Variants in STK3 observed in about 807,000 individuals in gnomAD.
The protein encoded by STK3 is serine/threonine-protein kinase 3.
STK3 carries 41 observed loss-of-function variants against 58.0 expected under a neutral mutation model. That is an observed-to-expected ratio of 0.71 (90% confidence interval 0.55 to 0.92). STK3 has a LOEUF of 0.92. STK3 is among the 40% of genes least tolerant of loss of function. The pLI is 0.00. For missense variants in STK3, 479 were observed against 602.7 expected (o/e 0.79, Z 2.15); for synonymous variants, 170 against 191.0 (o/e 0.89, Z 0.91).
chr8:98,744,940 T>C (rs913437025), intron 4 of STK3, among the ~76,000 whole-genome samples: 2 of 151,450 alleles, frequency 1.3e-5, no homozygotes, highest in Non-Finnish European at 2.9e-5. Context: ...TCTCCTATCA[T>C]ATACAGAAAT....
At chr8:98,788,514 T>C (rs973619535) in intron 1 of STK3, among the ~76,000 whole-genome samples, 1 of 151,426 alleles carries the variant, frequency 6.6e-6, no homozygotes, top group African/African-American at 2.4e-5. Context: ...TCACCAACCA[T>C]CTGCTGCCTT....
chr8:98,421,349 T>G (rs923255087), intron 3 of STK3, among the ~76,000 whole-genome samples: 1 of 152,154 alleles, frequency 6.6e-6, no homozygotes, highest in Non-Finnish European at 1.5e-5. Context: ...AGGGGAAAGA[T>G]GGCCAGACCC....
the STK3 span, among the ~76,000 whole-genome samples, chr8:98,362,425 T>C: frequency 2.0e-5 from 3 of 152,164 alleles, no homozygotes; most frequent in Admixed American, 6.5e-5. Context: ...TGGGGGGCTG[T>C]GACCGCTCTG....
At chr8:98,349,581 G>A in the STK3 span, among the ~76,000 whole-genome samples, 1 of 152,226 alleles carries the variant, frequency 6.6e-6, no homozygotes, top group African/African-American at 2.4e-5. Context: ...TTTCTGCACT[G>A]CCCTAGCAAA....
At chr8:98,915,380 C>A (rs374435582) in intron 1 of STK3, among the ~76,000 whole-genome samples, 1 of 144,016 alleles carries the variant, frequency 6.9e-6, no homozygotes, top group Admixed American at 7.3e-5. Context: ...AGCCTGCAGA[C>A]GGCTTACTGT....
At chr8:98,658,774 GTAATT>G (rs758411637) in intron 6 of STK3, among the ~76,000 whole-genome samples, 15 of 151,930 alleles carry the variant, frequency 9.9e-5, no homozygotes, top group Non-Finnish European at 1.3e-4. Flanking sequence ...TCCAATATTA[GTAATT>G]TAAGAATTAC....
At position 98,706,260 on chromosome 8, in the gene STK3, T is replaced by C. The variant is rs554414930; in HGVS notation, c.684+207A>G. On this transcript the variant is annotated intron_variant, in intron 6 of 10. Coordinates refer to ENST00000419617, the MANE Select transcript of STK3 (RefSeq NM_006281.4). Reference sequence around the variant, plus strand: ...GGGAGGAGAACAGTGATGGTAGAGATATACAAAGCCTTCAGTTCTTTTCTC... The same window carrying C: ...GGGAGGAGAACAGTGATGGTAGAGACATACAAAGCCTTCAGTTCTTTTCTC... 3.3e-5 allele frequency among the ~76,000 whole-genome samples: 5 copies of C among 152,184 alleles called. No homozygotes were observed. In the South Asian group the frequency reaches 8.3e-4, roughly 25 times the overall value.
At chr8:98,756,661 T>C (rs1225972035) in intron 3 of STK3, among the ~76,000 whole-genome samples, 4 of 152,228 alleles carry the variant, frequency 2.6e-5, no homozygotes, top group Non-Finnish European at 5.9e-5. Context: ...TAAGCATATC[T>C]TTTTATTTTC....
At position 98,682,294 on chromosome 8, in the gene STK3, T is replaced by C. The variant is rs115381661; in HGVS notation, c.684+24173A>G. ...AATGAACCAAAATGTACTAACTACA[T>C]ACAAGTCCTTAAAGATCATGATGCA... On this transcript the variant is annotated intron_variant, in intron 6 of 10. Transcript: ENST00000419617. Among the ~76,000 whole-genome samples the C allele has an allele frequency of 3.3e-3, 501 of 152,302 alleles. 4 individuals carry two copies. The highest frequency in any genetic ancestry group is 0.011 in the African/African-American group (459 of 41,580).
At chr8:98,684,431 A>G (rs570667409) in intron 6 of STK3, among the ~76,000 whole-genome samples, 41 of 152,168 alleles carry the variant, frequency 2.7e-4, no homozygotes, top group Non-Finnish European at 3.8e-4. Context: ...ATCCTTCCAC[A>G]GCTCAAAGTT....
chr8:98,472,678 T>A (rs1269166570), intron 10 of STK3, among the ~76,000 whole-genome samples: 1 of 152,148 alleles, frequency 6.6e-6, no homozygotes, highest in African/African-American at 2.4e-5. Flanking sequence ...TCCAAATGAC[T>A]GAATGCATTA....
chr8:98,908,721 T>G (rs914213608), intron 1 of STK3, among the ~76,000 whole-genome samples: 6 of 150,246 alleles, frequency 4.0e-5, no homozygotes, highest in Non-Finnish European at 8.8e-5. Context: ...CAGGCACCTG[T>G]AATCCCAGCT....
At chr8:98,531,088 T>C (rs1826139434) in intron 9 of STK3, among the ~76,000 whole-genome samples, 1 of 152,232 alleles carries the variant, frequency 6.6e-6, no homozygotes, top group Admixed American at 6.5e-5. Flanking sequence ...CTCCTGTTAA[T>C]GCTGATCTTT....
intron 9 of STK3, among the ~76,000 whole-genome samples, chr8:98,540,991 T>C (rs1326815016): frequency 6.6e-6 from 1 of 152,184 alleles, no homozygotes; most frequent in Non-Finnish European, 1.5e-5. Flanking sequence ...TGAGGGTTGA[T>C]TTCAATCTGT....
chr8:98,352,412 C>G, the STK3 span, among the ~76,000 whole-genome samples: 6 of 152,110 alleles, frequency 3.9e-5, no homozygotes, highest in African/African-American at 1.2e-4. Context: ...GTTGAGCATC[C>G]CTAATCTGAA....
At chr8:98,595,695 C>A (rs1207209107) in intron 7 of STK3, 1 of 180,836 alleles carries the variant, frequency 5.5e-6, no homozygotes, top group Non-Finnish European at 1.2e-5. Context: ...TTCAAGGAGT[C>A]CAGGGATCTT....
At chr8:98,487,525 C>T (rs1447605674) in intron 10 of STK3, among the ~76,000 whole-genome samples, 1 of 152,136 alleles carries the variant, frequency 6.6e-6, no homozygotes, top group African/African-American at 2.4e-5. Context: ...TACTACTTAC[C>T]CTGTCACCTC....
intron 7 of STK3, among the ~76,000 whole-genome samples, chr8:98,583,500 G>C (rs1349478509): frequency 1.3e-5 from 2 of 151,852 alleles, no homozygotes; most frequent in Admixed American, 6.6e-5. Flanking sequence ...GGTTGGGGTG[G>C]GCTGGGGTGG....
At chr8:98,567,282 T>C (rs1324993949) in intron 8 of STK3, among the ~76,000 whole-genome samples, 4 of 152,190 alleles carry the variant, frequency 2.6e-5, no homozygotes, top group Non-Finnish European at 5.9e-5. Flanking sequence ...AATGCAACCT[T>C]AGCCTCCTGG....
Sources: allele counts gnomAD v4.1 joint callset (sites outside exome capture counted in the v4.1 genomes callset), GRCh38; gene constraint gnomAD v4.1.1; transcripts MANE v1.5; gene names NCBI Gene and HGNC (gene_info 2026-07-23, HGNC 2026-07-21).